The following WDR1 variants were observed in gnomAD, a reference collection of about 807,000 sequenced individuals.
The protein encoded by WDR1 is WD repeat-containing protein 1.
WDR1 carries 21 observed loss-of-function variants against 71.9 expected under a neutral mutation model. The ratio of observed to expected loss-of-function variants is 0.29; its 90% CI spans 0.21 to 0.42. The LOEUF is 0.42. Ranked by LOEUF, WDR1 falls within the 10% of genes least tolerant of loss-of-function variation. The probability of loss-of-function intolerance (pLI) is 1.00; values close to 1 mark genes in which losing one functional copy is unlikely to be tolerated. For missense variants in WDR1, 696 were observed against 824.5 expected (o/e 0.84, Z 1.91); for synonymous variants, 424 against 347.4 (o/e 1.22, Z -2.45).
Position 10,111,913 on chromosome 4 carries a change from T to C in WDR1, c.138+4200A>G, listed in dbSNP as rs148424841. The stretch of plus-strand genomic sequence containing the variant: ...TTGCACTCCCGGAAACTCAATTTTA[T>C]AGACATCATTTTTCCAAATGTGTAT... On this transcript the variant is annotated intron_variant, in intron 2 of 14. Coordinates refer to ENST00000499869, the MANE Select transcript of WDR1 (RefSeq NM_017491.5). 7.2e-5 allele frequency among the ~76,000 whole-genome samples: 11 copies of C among 151,814 alleles called. No homozygotes were observed. The East Asian group carries it at 2.1e-3, about 30-fold the overall frequency.
rs1560539687 is a variant in WDR1 at position 10,097,861 on chromosome 4, G to C, written c.408C>G (p.Gly136=). 4 of 1,606,406 alleles carry C rather than the reference G, an allele frequency of 2.5e-6. No individual in the cohort carries two copies. Among genetic ancestry groups the C allele is most frequent in the Non-Finnish European group, 2.5e-6 (3 of 1,176,652 alleles). The change falls in exon 5 of 15, where the codon GGC becomes GGG. Residue 136 remains glycine, a synonymous_variant. Transcript: ENST00000499869. ...GTCCTGTAATCTCGCCCACAGAAGA[G>C]CCACTATCCCAGAGGAAGACTGCTC... The part of the protein sequence containing the change: ...KFGAVFLWDS[G]SSVGEITGHN...
Position 10,116,242 on chromosome 4 carries a change from G to C in WDR1, c.17-8C>G, listed in dbSNP as rs79673783. 3.7e-3 allele frequency: 5,910 copies of C among 1,613,346 alleles called. 18 individuals are homozygous for C. Among genetic ancestry groups the C allele is most frequent in the Non-Finnish European group, 4.1e-3 (4,848 of 1,179,784 alleles). On this transcript the variant is annotated splice_region_variant and splice_polypyrimidine_tract_variant and intron_variant, in intron 1 of 14. Transcript: ENST00000499869. ...GGCTGGCGAACACCTTCTCTGCGGA[G>C]ACACAAATGCGGCGGGGCATGTCAG... is the stretch of plus-strand genomic sequence containing the variant.
chr4:10,088,803 G>T, intron 5 of WDR1, 62 bp from the exon 6 acceptor site: 1 of 1,293,354 alleles, frequency 7.7e-7, no homozygotes, highest in Non-Finnish European at 1.1e-6. Context: ...GTTCAAGAAT[G>T]CTCTCTATGA....
chr4:10,077,563 ACT>A, intron 13 of WDR1, 115 bp from the exon 14 acceptor site: 1 of 1,529,772 alleles, frequency 6.5e-7, no homozygotes, highest in Non-Finnish European at 8.9e-7. Context: ...TCACGCGCTA[ACT>A]CTATGCCAGC....
chr4:10,114,462 T>C (rs1219186334), intron 2 of WDR1, among the ~76,000 whole-genome samples: 1 of 152,184 alleles, frequency 6.6e-6, no homozygotes, highest in Non-Finnish European at 1.5e-5. Flanking sequence ...ATGCTACAGT[T>C]TAAGAAGCTA....
chr4:10,109,349 G>T (rs911012936), intron 2 of WDR1, among the ~76,000 whole-genome samples: 17 of 152,354 alleles, frequency 1.1e-4, no homozygotes, highest in African/African-American at 3.8e-4. Flanking sequence ...CCCAGGTCAC[G>T]TCACTGCAAA....
In WDR1 at chr4:10,078,978, C is replaced by T. The variant is rs750912640; in HGVS notation, c.1308G>A (p.Arg436=). The T allele has an allele frequency of 1.2e-6, 2 of 1,610,396 alleles. No individual in the cohort carries two copies. Among genetic ancestry groups the T allele is most frequent in the South Asian group, 1.1e-5 (1 of 90,692 alleles). ...IGQIVLLKDQ[R]KCFSIDNPGY... The stretch of plus-strand genomic sequence containing the variant: ...CGGGGTTGTCGATGCTGAAGCACTT[C>T]CTCTGATCCTTCAGCAGGACAATCT... The change falls in exon 12 of 15, where the codon AGG becomes AGA. Residue 436 remains arginine (R), a synonymous_variant. Transcript: ENST00000499869.
At chr4:10,102,020 C>T (rs34930039) in intron 3 of WDR1, among the ~76,000 whole-genome samples, 2 of 152,224 alleles carry the variant, frequency 1.3e-5, no homozygotes, top group Non-Finnish European at 2.9e-5. Context: ...CATTAAATGC[C>T]TACTATGAGC....
chr4:10,078,428 A>C (rs567149254), intron 12 of WDR1, among the ~76,000 whole-genome samples: 76 of 152,302 alleles, frequency 5.0e-4, no homozygotes, highest in Middle Eastern at 3.4e-3. Context: ...AACTCAAGGG[A>C]AACTGTAAAA....
At chr4:10,098,190 A>G (rs2241482) in intron 4 of WDR1, among the ~76,000 whole-genome samples, 96,842 of 151,908 alleles carry the variant, frequency 0.64, 31,909 homozygotes, top group Middle Eastern at 0.76. Flanking sequence ...CAGCTTCACC[A>G]TTCTCCTTAC....
chr4:10,115,989 G>T, intron 2 of WDR1, 124 bp downstream of exon 2: 2 of 1,344,964 alleles, frequency 1.5e-6, no homozygotes, highest in Non-Finnish European at 2.0e-6. Context: ...CCCGGTAGAG[G>T]GGGCGTGGCG....
At chr4:10,107,740 C>T (rs555189491) in intron 2 of WDR1, among the ~76,000 whole-genome samples, 7 of 152,230 alleles carry the variant, frequency 4.6e-5, no homozygotes, top group Non-Finnish European at 1.5e-5. Flanking sequence ...TGGAGGAGTC[C>T]GGGGGCCTCT....
chr4:10,077,706 C>A, intron 13 of WDR1, 47 bp downstream of exon 13: 7 of 1,505,504 alleles, frequency 4.6e-6, no homozygotes, highest in South Asian at 1.3e-5. Context: ...CCACTGCCAC[C>A]TGCACCGCCC....
At chr4:10,092,877 T>C (rs1712088903) in intron 5 of WDR1, 1 of 417,754 alleles carries the variant, frequency 2.4e-6, no homozygotes, top group Non-Finnish European at 4.6e-6. Context: ...CCAGCGGGGC[T>C]GCAGCAGTCT....
intron 2 of WDR1, 99 bp from the exon 3 acceptor site, chr4:10,104,085 G>C (rs1560543713): frequency 8.0e-7 from 1 of 1,251,484 alleles, no homozygotes; most frequent in East Asian, 2.5e-5. Context: ...GGTGTACAAA[G>C]AAACACTGAA....
rs1711763782 is a variant in WDR1, at chr4:10,088,712, T to C, written c.588A>G (p.Arg196=). 1 of 1,607,218 alleles carries C rather than the reference T, an allele frequency of 6.2e-7. No homozygotes were observed. Among genetic ancestry groups the C allele is most frequent in the African/African-American group, 1.3e-5 (1 of 74,962 alleles). Residue 196 remains arginine, a synonymous_variant, in exon 6 of 15, where the codon CGA becomes CGG. Transcript: ENST00000499869. ...GDHSRFVNCV[R]FSPDGNRFAT... ...CAAATCTGTTCCCATCAGGAGAGAATCGCACACAGTTGACAAAGCGGCTGT... is the reference window on the plus strand; with the variant it reads ...CAAATCTGTTCCCATCAGGAGAGAACCGCACACAGTTGACAAAGCGGCTGT...
In WDR1 at chr4:10,077,459, G is replaced by A; in HGVS notation, c.1570-11C>T. 6.2e-7 allele frequency: 1 copy of A among 1,613,932 alleles called. No individual in the cohort carries two copies. The highest frequency in any genetic ancestry group is 8.5e-7 in the Non-Finnish European group (1 of 1,179,848). ...AAAAACATTGTTCTCCTAGTTGCAG[G>A]TTGAAAACAAGAGAGGTGGCAGGTC... On this transcript the variant is annotated splice_polypyrimidine_tract_variant and intron_variant, in intron 13 of 14. Transcript: ENST00000499869.
chr4:10,088,620 G>T, intron 6 of WDR1, 44 bp downstream of exon 6: 1 of 1,507,328 alleles, frequency 6.6e-7, no homozygotes, highest in Non-Finnish European at 9.1e-7. Flanking sequence ...ACGGGAGCAG[G>T]CAGACAAGCC....
chr4:10,097,896 A>C lies in WDR1; in HGVS notation c.378-5T>G, dbSNP rs778984541. On this transcript the variant is annotated splice_region_variant and splice_polypyrimidine_tract_variant and intron_variant, in intron 4 of 14. Transcript: ENST00000499869. ...CAGAGGAAGACTGCTCCAAACCTTG[A>C]CCCAATGACACAGGTGGAAGACAAA... 68 of 1,520,058 alleles carry C rather than the reference A, an allele frequency of 4.5e-5. No homozygotes were observed. The East Asian group carries it at 1.5e-3, about 33-fold the overall frequency. 94.2% of individuals were successfully genotyped at this position (1,520,058 alleles called of 1,614,324 possible). A position where few individuals can be genotyped will look rare whatever the true frequency, so the allele number is the denominator to read the frequency against.
Sources: allele counts gnomAD v4.1 joint callset (sites outside exome capture counted in the v4.1 genomes callset), GRCh38; gene constraint gnomAD v4.1.1; transcripts MANE v1.5; gene names NCBI Gene and HGNC (gene_info 2026-07-23, HGNC 2026-07-21).